RRAGC: variants seen among roughly 807,000 people sequenced by gnomAD.
The protein encoded by RRAGC is ras-related GTP-binding protein C.
A neutral mutation model predicts 37.1 loss-of-function variants in RRAGC; 8 were observed. The observed-to-expected ratio is 0.22, with a 90% CI of 0.13 to 0.39. The LOEUF is 0.39. Ranked by LOEUF, RRAGC falls within the 10% of genes least tolerant of loss-of-function variation. The pLI is 1.00. For missense variants in RRAGC, 342 were observed against 497.6 expected (o/e 0.69, Z 2.98); for synonymous variants, 190 against 181.1 (o/e 1.05, Z -0.39).
intron 5 of RRAGC, among the ~76,000 whole-genome samples, chr1:38,849,517 T>C (rs1264760972): frequency 6.6e-6 from 1 of 150,720 alleles, no homozygotes; most frequent in South Asian, 2.1e-4. Context: ...GGTAAAACCC[T>C]GTCTCTACTA....
intron 3 of RRAGC, among the ~76,000 whole-genome samples, chr1:38,854,731 G>A (rs973667250): frequency 3.3e-5 from 5 of 152,064 alleles, no homozygotes; most frequent in East Asian, 1.9e-4. Context: ...GAGACTTTTC[G>A]ACATGGTTTC....
rs200140491 is a variant in RRAGC at position 38,851,576 on chromosome 1, G to T, written c.899+39C>A. The T allele has an allele frequency of 9.6e-6, 14 of 1,455,060 alleles. No homozygotes were observed. In the African/African-American group the frequency reaches 1.9e-4, roughly 20 times the overall value. 90.1% of individuals were successfully genotyped at this position (1,455,060 alleles called of 1,614,324 possible). Reference sequence around the variant, plus strand: ...GAACAAATCAAGTTAATAGTTTTCCGCCTGTCTGAGATATTGCAGGAATAT... The same window carrying T: ...GAACAAATCAAGTTAATAGTTTTCCTCCTGTCTGAGATATTGCAGGAATAT... On this transcript the variant is annotated intron_variant, in intron 5 of 6. Coordinates refer to ENST00000373001, the MANE Select transcript of RRAGC (RefSeq NM_022157.4).
Position 38,838,280 on chromosome 1 carries a change from T to G in RRAGC, c.*1273A>C, listed in dbSNP as rs1471130976. 1 of 152,248 alleles carries G rather than the reference T, an allele frequency of 6.6e-6. No individual in the cohort carries two copies. Among genetic ancestry groups the G allele is most frequent in the Non-Finnish European group, 1.5e-5 (1 of 68,038 alleles). The allele number at this position is 152,248 out of a possible 1,614,324, so 9.4% of individuals were successfully genotyped here. Reference sequence around the variant, plus strand: ...TATAAATATAAAAAGCATTTTTCTTTTGGATATCACCATGGTCCATGTAAA... The same window carrying G: ...TATAAATATAAAAAGCATTTTTCTTGTGGATATCACCATGGTCCATGTAAA... On this transcript the variant is annotated 3_prime_UTR_variant, in exon 7 of 7. Transcript: ENST00000373001.
At position 38,846,061 on chromosome 1, in the gene RRAGC, G is replaced by T; in HGVS notation, c.926C>A (p.Ala309Asp). ...AATTGCCATAGATTCTTTGTCATAA[G>T]CACTTCCACTTCCATCTTCCTTTAA... ...YGLKEDGSGS[A>D]YDKESMAIIK... is the part of the protein sequence containing the mutation. Residue 309 changes from alanine to aspartate, a missense_variant, in exon 6 of 7, where the codon GCT (alanine) becomes GAT (aspartate). By Grantham distance (126) the Ala-to-Asp change is moderately radical. Transcript: ENST00000373001. The T allele has an allele frequency of 1.2e-6, 2 of 1,610,362 alleles. No individual in the cohort carries two copies. Among genetic ancestry groups the T allele is most frequent in the South Asian group, 2.2e-5 (2 of 90,246 alleles).
intron 3 of RRAGC, among the ~76,000 whole-genome samples, chr1:38,855,457 T>C (rs1043566517): frequency 3.4e-5 from 5 of 148,340 alleles, no homozygotes; most frequent in African/African-American, 1.3e-4. Flanking sequence ...CTCCAGTCTC[T>C]TGAGATGAAT....
In RRAGC at chr1:38,858,351, C is replaced by T. The variant is rs186649819; in HGVS notation, c.237+1059G>A. 2.0e-5 allele frequency among the ~76,000 whole-genome samples: 3 copies of T among 152,284 alleles called. No individual in the cohort carries two copies. In the East Asian group the frequency reaches 5.8e-4, roughly 29 times the overall value. ...CTAGTTTTATTACCAGCTCACTCCG[C>T]GTATAATGGGTTTGGCTGATGGAGG... On this transcript the variant is annotated intron_variant, in intron 1 of 6. Transcript: ENST00000373001.
intron 2 of RRAGC, 53 bp from the exon 3 acceptor site, chr1:38,855,960 A>G (rs967772984): frequency 2.2e-6 from 3 of 1,359,454 alleles, no homozygotes; most frequent in Non-Finnish European, 3.1e-6. Flanking sequence ...AAGCCAAGTA[A>G]TGAGTTAAAG....
In RRAGC at chr1:38,845,032, GT is replaced by G. The variant is rs199906364; in HGVS notation, c.1048+906del. Among the ~76,000 whole-genome samples, 333 of 152,302 alleles carry G rather than the reference GT, an allele frequency of 2.2e-3. 1 individual carries two copies. The highest frequency in any genetic ancestry group is 6.5e-3 in the African/African-American group (270 of 41,568). ...ACACTTTTACACTGTTGGTAGCAGT[GT>G]AAATTATTTCAACCATTGTGGAAGA... On this transcript the variant is annotated intron_variant, in intron 6 of 6. Transcript: ENST00000373001.
At chr1:38,850,707 G>A (rs1049931365) in intron 5 of RRAGC, among the ~76,000 whole-genome samples, 3 of 152,148 alleles carry the variant, frequency 2.0e-5, no homozygotes, top group African/African-American at 7.2e-5. Flanking sequence ...AGATGGAGCA[G>A]AGAGAAGACA....
chr1:38,839,552 A>C lies in RRAGC; in HGVS notation c.*1T>G. 6.2e-7 allele frequency: 1 copy of C among 1,613,972 alleles called. No individual in the cohort carries two copies. ...ACAGAGCCCCGACGCTGGGATTCAG[A>C]CTAGATGGCGTTTCGTGGCGTGCCA... On this transcript the variant is annotated 3_prime_UTR_variant, in exon 7 of 7. Transcript: ENST00000373001.
At chr1:38,855,963 A>G (rs1397185135) in intron 2 of RRAGC, 56 bp from the exon 3 acceptor site, 4 of 1,287,882 alleles carry the variant, frequency 3.1e-6, no homozygotes, top group Non-Finnish European at 4.4e-6. Flanking sequence ...CCAAGTAATG[A>G]GTTAAAGCCT....
chr1:38,849,354 C>T (rs2124223503), intron 5 of RRAGC, among the ~76,000 whole-genome samples: 1 of 152,302 alleles, frequency 6.6e-6, no homozygotes, highest in East Asian at 1.9e-4. Flanking sequence ...GACACTACCA[C>T]ATCCAGCTAA....
chr1:38,856,876 T>A lies in RRAGC; in HGVS notation c.441+3A>T. 1 of 1,613,422 alleles carries A rather than the reference T, an allele frequency of 6.2e-7. No homozygotes were observed. Among genetic ancestry groups the A allele is most frequent in the South Asian group, 1.1e-5 (1 of 91,070 alleles). On this transcript the variant is annotated splice_donor_region_variant and intron_variant, in intron 2 of 6. Transcript: ENST00000373001. ...AAAGAGGAGTAAACACATTACTGAC[T>A]ACCTGTGCGTCAATGACGTATATCA...
rs1381445044 is a variant in RRAGC at position 38,859,378 on chromosome 1, G to C, written c.237+32C>G. 3.0e-5 allele frequency: 46 copies of C among 1,536,270 alleles called. No individual in the cohort carries two copies. In the Admixed American group the frequency reaches 6.3e-4, roughly 21 times the overall value. The stretch of plus-strand genomic sequence containing the variant: ...CTACCGGCCACCTGAGAACCGGGGA[G>C]GGGGCGGGGGACTGGGCGCAGCCCT... On this transcript the variant is annotated intron_variant, in intron 1 of 6. Coordinates refer to ENST00000373001, the MANE Select transcript of RRAGC (RefSeq NM_022157.4).
chr1:38,845,438 G>GT (rs1642016501), intron 6 of RRAGC, among the ~76,000 whole-genome samples: 2 of 152,114 alleles, frequency 1.3e-5, no homozygotes, highest in Non-Finnish European at 2.9e-5. Context: ...AGAACACATG[G>GT]ACACAGGAAG....
chr1:38,850,063 G>A (rs912321643), intron 5 of RRAGC, among the ~76,000 whole-genome samples: 8 of 150,540 alleles, frequency 5.3e-5, no homozygotes, highest in East Asian at 2.0e-4. Context: ...AAAATTAGCC[G>A]GGTATGGTGG....
intron 6 of RRAGC, 55 bp from the exon 7 acceptor site, chr1:38,839,759 A>G: frequency 1.3e-6 from 2 of 1,581,252 alleles, no homozygotes; most frequent in Non-Finnish European, 1.7e-6. Context: ...GTGAAATTTT[A>G]TATTTGGGTT....
chr1:38,858,247 GA>G (rs200170194), intron 1 of RRAGC, among the ~76,000 whole-genome samples: 1 of 151,460 alleles, frequency 6.6e-6, no homozygotes, highest in Non-Finnish European at 1.5e-5. Flanking sequence ...GATTCAGAAA[GA>G]AAAAAAAATC....
intron 3 of RRAGC, 76 bp downstream of exon 3, chr1:38,855,631 TG>T (rs1557588317): frequency 1.6e-5 from 18 of 1,139,078 alleles, no homozygotes; most frequent in Non-Finnish European, 4.0e-6. Flanking sequence ...CAGAAAGCTA[TG>T]GTGTTTGTAA....
Sources: gnomAD v4.1 joint callset for allele counts (sites outside exome capture counted in the v4.1 genomes callset) on GRCh38, gnomAD v4.1.1 for gene constraint, MANE v1.5 for transcripts, NCBI Gene and HGNC (gene_info 2026-07-23, HGNC 2026-07-21) for gene names.